The following CLVS1 variants were observed in gnomAD, a reference collection of about 807,000 sequenced individuals.
CLVS1 encodes the protein clavesin 1.
Under a neutral mutation model 33.1 loss-of-function variants are expected in CLVS1, and 10 were observed. The observed-to-expected ratio is 0.30, with a 90% CI of 0.19 to 0.51. The LOEUF (loss-of-function observed/expected upper bound fraction) is 0.51. Ranked by LOEUF, CLVS1 falls within the 20% of genes least tolerant of loss-of-function variation. CLVS1 has a pLI of 0.97. For missense variants in CLVS1, 343 were observed against 433.4 expected, an observed-to-expected ratio of 0.79 and a Z score of 1.85; for synonymous variants, 163 against 166.1, an observed-to-expected ratio of 0.98 and a Z score of 0.14.
At chr8:61,456,974 G>T (rs1423181207) in intron 4 of CLVS1, among the ~76,000 whole-genome samples, 1 of 149,104 alleles carries the variant, frequency 6.7e-6, no homozygotes, top group Non-Finnish European at 1.5e-5. Flanking sequence ...GTCTTGTTCT[G>T]TTGCCCAGGC....
At chr8:60,981,256 A>G in the CLVS1 span, among the ~76,000 whole-genome samples, 1 of 152,268 alleles carries the variant, frequency 6.6e-6, no homozygotes, top group Non-Finnish European at 1.5e-5. Context: ...ATGGTTTTAA[A>G]TCACACAATA....
At chr8:61,204,704 A>T (rs941973158) in intron 2 of CLVS1, among the ~76,000 whole-genome samples, 8 of 152,268 alleles carry the variant, frequency 5.3e-5, no homozygotes. Flanking sequence ...AGCAGATTAC[A>T]CTATAAATGG....
chr8:61,048,279 G>T, the CLVS1 span, among the ~76,000 whole-genome samples: 4 of 152,326 alleles, frequency 2.6e-5, no homozygotes, highest in East Asian at 7.7e-4. Flanking sequence ...GCAGGGCATG[G>T]TAACTATCAG....
chr8:61,119,317 T>C (rs1188180018), intron 1 of CLVS1, among the ~76,000 whole-genome samples: 1 of 152,028 alleles, frequency 6.6e-6, no homozygotes, highest in Non-Finnish European at 1.5e-5. Flanking sequence ...GGGTCTTGAC[T>C]CTTTATCCCA....
intron 2 of CLVS1, 66 bp downstream of exon 2, chr8:61,300,348 G>A: frequency 7.4e-7 from 1 of 1,349,100 alleles, no homozygotes; most frequent in African/African-American, 1.5e-5. Context: ...CATGTTTGGG[G>A]TTGTATGGCT....
At chr8:61,191,047 C>A (rs1807461714) in intron 2 of CLVS1, among the ~76,000 whole-genome samples, 1 of 152,130 alleles carries the variant, frequency 6.6e-6, no homozygotes, top group South Asian at 2.1e-4. Flanking sequence ...ATCCTGATAC[C>A]AAAGCCTGGC....
chr8:61,089,836 T>G (rs888254256), intron 1 of CLVS1, among the ~76,000 whole-genome samples: 3 of 152,172 alleles, frequency 2.0e-5, no homozygotes, highest in Non-Finnish European at 4.4e-5. Flanking sequence ...GCAGGAGGGT[T>G]GCTCGAGCCC....
chr8:61,476,001 A>G (rs1817912840), intron 5 of CLVS1, among the ~76,000 whole-genome samples: 1 of 152,202 alleles, frequency 6.6e-6, no homozygotes, highest in Admixed American at 6.5e-5. Flanking sequence ...ATCCAGTTTC[A>G]GCTTTCTACA....
chr8:61,251,218 T>G (rs1808939973), intron 2 of CLVS1, among the ~76,000 whole-genome samples: 1 of 152,210 alleles, frequency 6.6e-6, no homozygotes, highest in Admixed American at 6.5e-5. Context: ...GGGTTATGTT[T>G]ATTGATTTGT....
At chr8:61,330,832 G>A (rs974747309) in intron 2 of CLVS1, among the ~76,000 whole-genome samples, 1 of 151,950 alleles carries the variant, frequency 6.6e-6, no homozygotes, top group African/African-American at 2.4e-5. Flanking sequence ...TCTCGTGCCT[G>A]CAATCCCAGC....
chr8:61,139,861 G>A (rs555791182), intron 2 of CLVS1, among the ~76,000 whole-genome samples: 1 of 152,284 alleles, frequency 6.6e-6, no homozygotes, highest in South Asian at 2.1e-4. Flanking sequence ...GCAGATTCCT[G>A]GGCGCAGCAC....
intron 5 of CLVS1, among the ~76,000 whole-genome samples, chr8:61,478,393 ATCTG>A (rs1375099844): frequency 6.6e-6 from 1 of 152,178 alleles, no homozygotes; most frequent in Non-Finnish European, 1.5e-5. Context: ...TGTCTTGATG[ATCTG>A]TCTAATGTTG....
At chr8:61,285,710 C>T (rs928657350), upstream of CLVS1, among the ~76,000 whole-genome samples, 1 of 152,092 alleles carries the variant, frequency 6.6e-6, no homozygotes, top group African/African-American at 2.4e-5. Flanking sequence ...TGACCAGTGA[C>T]AGGTAAAGAC....
At chr8:61,376,287 G>A (rs1364246196) in intron 2 of CLVS1, among the ~76,000 whole-genome samples, 1 of 152,178 alleles carries the variant, frequency 6.6e-6, no homozygotes, top group Non-Finnish European at 1.5e-5. Context: ...AGAAAGATGG[G>A]TAAGGGATGC....
At chr8:61,391,623 A>T (rs1408281594) in intron 3 of CLVS1, among the ~76,000 whole-genome samples, 3 of 152,254 alleles carry the variant, frequency 2.0e-5, no homozygotes, top group Non-Finnish European at 4.4e-5. Context: ...AACCAAGAAG[A>T]TTAAGCTAAT....
chr8:61,234,100 T>G (rs997566283), intron 2 of CLVS1, among the ~76,000 whole-genome samples: 1 of 151,756 alleles, frequency 6.6e-6, no homozygotes, highest in Non-Finnish European at 1.5e-5. Flanking sequence ...GTGGCAAGGG[T>G]AGGAGGGTAG....
the CLVS1 span, among the ~76,000 whole-genome samples, chr8:61,032,988 GGAAGGAAAGAAAGAAA>G: frequency 0.017 from 1,248 of 75,068 alleles, 120 homozygotes; most frequent in South Asian, 0.035. Flanking sequence ...AAGGAAGGAA[GGAAGGAAAGAAAGAAA>G]GAAAGAAAGA....
intron 1 of CLVS1, chr8:61,090,752 T>C: frequency 2.4e-6 from 1 of 422,240 alleles, no homozygotes; most frequent in East Asian, 5.9e-5. Flanking sequence ...AAAACTTGTT[T>C]CCTAATTTCA....
chr8:61,017,793 C>T, the CLVS1 span, among the ~76,000 whole-genome samples: 1 of 152,190 alleles, frequency 6.6e-6, no homozygotes, highest in African/African-American at 2.4e-5. Context: ...GGGGGGGCTC[C>T]TCTGGGCCCC....
Sources: gnomAD v4.1 joint callset for allele counts (sites outside exome capture counted in the v4.1 genomes callset) on GRCh38, gnomAD v4.1.1 for gene constraint, MANE v1.5 for transcripts, NCBI Gene and HGNC (gene_info 2026-07-23, HGNC 2026-07-21) for gene names.